The following SEMA5B variants were observed in gnomAD, a reference collection of about 807,000 sequenced individuals.
The protein encoded by SEMA5B is semaphorin-5B.
Under a neutral mutation model 135.0 loss-of-function variants are expected in SEMA5B, and 66 were observed. The observed-to-expected ratio is 0.49, with a 90% CI of 0.40 to 0.60. The LOEUF is 0.60. Among genes scored for constraint, SEMA5B ranks in the 20% least tolerant of loss-of-function variants. SEMA5B has a pLI of 0.00. For missense variants in SEMA5B, 1,501 were observed against 1,566.3 expected (o/e 0.96, Z 0.70); for synonymous variants, 690 against 639.5 (o/e 1.08, Z -1.19).
chr3:122,912,627 A>C (rs986735367), intron 18 of SEMA5B, among the ~76,000 whole-genome samples: 1 of 149,202 alleles, frequency 6.7e-6, no homozygotes, highest in Non-Finnish European at 1.5e-5. Context: ...AAAAAAAAAA[A>C]GGGACAGGGA....
chr3:122,924,005 G>A (rs1048678479), intron 9 of SEMA5B, among the ~76,000 whole-genome samples: 4 of 151,360 alleles, frequency 2.6e-5, no homozygotes, highest in African/African-American at 4.8e-5. Flanking sequence ...TCCCTTATTC[G>A]GGGGCGCTGA....
chr3:122,931,138 G>A (rs1006277268), intron 5 of SEMA5B, among the ~76,000 whole-genome samples: 4 of 151,914 alleles, frequency 2.6e-5, no homozygotes, highest in Non-Finnish European at 2.9e-5. Context: ...AAACTCCGAC[G>A]ACCCACTCCT....
chr3:122,960,020 C>T (rs112506704), intron 2 of SEMA5B, among the ~76,000 whole-genome samples: 4 of 152,302 alleles, frequency 2.6e-5, no homozygotes, highest in African/African-American at 9.6e-5. Flanking sequence ...TTCCTCCTCC[C>T]CCTGGGCAGG....
At chr3:123,011,128 C>T (rs572541886) in intron 1 of SEMA5B, among the ~76,000 whole-genome samples, 7 of 152,196 alleles carry the variant, frequency 4.6e-5, no homozygotes, top group Non-Finnish European at 7.4e-5. Context: ...CCCTTCCCCC[C>T]AAAGCTGCCA....
chr3:122,997,525 C>CCCCCCA (rs1576399871), intron 1 of SEMA5B, among the ~76,000 whole-genome samples: 2 of 151,182 alleles, frequency 1.3e-5, no homozygotes, highest in African/African-American at 2.4e-5. Flanking sequence ...CTCTCCCCCC[C>CCCCCCA]CCGTCTCCAC....
chr3:122,961,380 C>G, intron 1 of SEMA5B, 79 bp from the exon 2 acceptor site: 1 of 1,314,560 alleles, frequency 7.6e-7, no homozygotes, highest in Admixed American at 2.1e-5. Flanking sequence ...ATAGGCCAGA[C>G]TGCCCCAGGG....
At chr3:123,024,121 T>C (rs1942749770) in intron 1 of SEMA5B, among the ~76,000 whole-genome samples, 1 of 152,236 alleles carries the variant, frequency 6.6e-6, no homozygotes, top group Admixed American at 6.5e-5. Flanking sequence ...TCAATGAAAG[T>C]GGTGAACTGG....
At position 122,963,502 on chromosome 3, in the gene SEMA5B, AAAG is replaced by A. The variant is rs1317386575; in HGVS notation, c.-38-2204_-38-2202del. Among the ~76,000 whole-genome samples, 105 of 131,706 alleles carry A rather than the reference AAAG, an allele frequency of 8.0e-4. 1 individual carries two copies. The highest frequency in any genetic ancestry group is 2.3e-3 in the African/African-American group (78 of 34,144). 86.4% of individuals were successfully genotyped at this position (131,706 alleles called of 152,430 possible). A position where few individuals can be genotyped will look rare whatever the true frequency, so the allele number is the denominator to read the frequency against. On this transcript the variant is annotated intron_variant, in intron 1 of 22. Coordinates refer to ENST00000357599, the MANE Select transcript of SEMA5B (RefSeq NM_001031702.4). ...AGCGAGTCTCTGACTCAAAAAAAAA[AAAG>A]AAAAAGAAAAAGAAAAAGAAAAGAA... is the stretch of plus-strand genomic sequence containing the variant.
chr3:122,911,631 C>A (rs577214069), intron 20 of SEMA5B, 96 bp from the exon 21 acceptor site: 3 of 1,303,456 alleles, frequency 2.3e-6, no homozygotes, highest in African/African-American at 2.9e-5. Context: ...TCTAGGTCAA[C>A]GCTCAGACGT....
intron 1 of SEMA5B, among the ~76,000 whole-genome samples, chr3:123,025,742 C>T (rs982738087): frequency 3.9e-5 from 6 of 152,226 alleles, no homozygotes; most frequent in East Asian, 1.9e-4. Flanking sequence ...TCTACCCCCA[C>T]GCCCCAAGGC....
Position 122,913,256 on chromosome 3 carries a change from T to C in SEMA5B, c.2449A>G (p.Arg817Gly). The C allele has an allele frequency of 6.3e-7, 1 of 1,586,056 alleles. No individual in the cohort carries two copies. The highest frequency in any genetic ancestry group is 8.5e-7 in the Non-Finnish European group (1 of 1,174,678). The change falls in exon 17 of 23, where the codon AGA becomes GGA. Residue 817 changes from arginine (R) to glycine (G), a missense_variant. Transcript: ENST00000357599. ...ADPHGLQFGR[R>G]RTETRTCPAD... ...GGACAGGTCCTCGTCTCGGTCCTTC[T>C]CCTGCCGAACTGCAGGCCGTGCGGG...
At chr3:122,994,313 G>A (rs1038108640) in intron 1 of SEMA5B, among the ~76,000 whole-genome samples, 5 of 152,200 alleles carry the variant, frequency 3.3e-5, no homozygotes, top group Non-Finnish European at 5.9e-5. Flanking sequence ...CTGTAGGTCT[G>A]AACACCTCTC....
intron 5 of SEMA5B, among the ~76,000 whole-genome samples, chr3:122,934,306 AAG>A (rs1391172406): frequency 1.3e-5 from 2 of 151,604 alleles, no homozygotes; most frequent in Non-Finnish European, 3.0e-5. Flanking sequence ...CTAACATCAA[AAG>A]AGAGAAAATC....
At position 122,928,571 on chromosome 3, in the gene SEMA5B, C is replaced by CCGGCCGGCGA; in HGVS notation, c.572_581dup (p.Lys195ArgfsTer30). On this transcript the variant is annotated frameshift_variant, in exon 7 of 23. Transcript: ENST00000357599. LOFTEE classifies it high-confidence loss of function. ...CATTGGTTCCACACATGAACACCTTCCGGCCGGCGACGATCAGGACTCGCA... is the reference window on the plus strand; with the variant it reads ...CATTGGTTCCACACATGAACACCTTCCGGCCGGCGACGGCCGGCGACGATCAGGACTCGCA... The CCGGCCGGCGA allele has an allele frequency of 6.4e-7, 1 of 1,564,738 alleles. No homozygotes were observed. Among genetic ancestry groups the CCGGCCGGCGA allele is most frequent in the Non-Finnish European group, 8.7e-7 (1 of 1,153,908 alleles).
intron 1 of SEMA5B, among the ~76,000 whole-genome samples, chr3:123,012,507 G>T (rs1221128931): frequency 6.6e-6 from 1 of 152,208 alleles, no homozygotes; most frequent in African/African-American, 2.4e-5. Context: ...TCTGTATGGA[G>T]CCATCCTCCC....
intron 4 of SEMA5B, 31 bp from the exon 5 acceptor site, chr3:122,939,501 A>G: frequency 6.3e-7 from 1 of 1,596,668 alleles, no homozygotes; most frequent in Non-Finnish European, 8.6e-7. Flanking sequence ...ATCCTAAGTG[A>G]CGCTGGTTCT....
chr3:122,963,136 A>G (rs1940660259), intron 1 of SEMA5B, among the ~76,000 whole-genome samples: 1 of 152,220 alleles, frequency 6.6e-6, no homozygotes, highest in Non-Finnish European at 1.5e-5. Context: ...CTAGCAGGTC[A>G]TTTCTGGGAT....
intron 2 of SEMA5B, among the ~76,000 whole-genome samples, chr3:122,957,176 CAGT>C (rs1308253964): frequency 6.6e-6 from 1 of 152,186 alleles, no homozygotes; most frequent in East Asian, 1.9e-4. Flanking sequence ...TAGTTTGGGA[CAGT>C]AGAAAGATGT....
At chr3:123,022,401 G>A (rs576322100) in intron 1 of SEMA5B, among the ~76,000 whole-genome samples, 1 of 152,346 alleles carries the variant, frequency 6.6e-6, no homozygotes, top group East Asian at 1.9e-4. Context: ...GTCTGATTAA[G>A]TCATCCTTAT....
Sources: allele counts gnomAD v4.1 joint callset (sites outside exome capture counted in the v4.1 genomes callset), GRCh38; gene constraint gnomAD v4.1.1; transcripts MANE v1.5; gene names NCBI Gene and HGNC (gene_info 2026-07-23, HGNC 2026-07-21).